Variants in SLC4A4 observed in about 807,000 individuals in gnomAD.
SLC4A4 encodes solute carrier family 4 member 4.
Under a neutral mutation model 111.5 loss-of-function variants are expected in SLC4A4, and 27 were observed. The ratio of observed to expected loss-of-function variants is 0.24; its 90% CI spans 0.18 to 0.33. The LOEUF (loss-of-function observed/expected upper bound fraction) is 0.33, where lower values mean the gene tolerates loss of function less well. Among genes scored for constraint, SLC4A4 ranks in the 10% least tolerant of loss-of-function variants. The pLI, the probability that SLC4A4 is intolerant of heterozygous loss-of-function variation, is 1.00. For missense variants in SLC4A4, 909 were observed against 1,315.5 expected (o/e 0.69, Z 4.78); for synonymous variants, 443 against 463.4 (o/e 0.96, Z 0.57).
At chr4:71,471,628 G>A (rs540909394) in intron 13 of SLC4A4, among the ~76,000 whole-genome samples, 5 of 151,912 alleles carry the variant, frequency 3.3e-5, no homozygotes, top group African/African-American at 4.8e-5. Flanking sequence ...CCTACTACCC[G>A]CTTTTTCGTC....
At chr4:71,135,132 T>C (rs1240049823) in intron 2 of SLC4A4, among the ~76,000 whole-genome samples, 3 of 152,182 alleles carry the variant, frequency 2.0e-5, no homozygotes, top group African/African-American at 7.2e-5. Context: ...AAATTCAATC[T>C]TCTTTTATCT....
At chr4:71,333,070 G>A (rs1213122899) in intron 3 of SLC4A4, among the ~76,000 whole-genome samples, 1 of 152,182 alleles carries the variant, frequency 6.6e-6, no homozygotes, top group African/African-American at 2.4e-5. Context: ...TAGTCTTGAT[G>A]CTTGTATATA....
intron 2 of SLC4A4, among the ~76,000 whole-genome samples, chr4:71,152,208 C>T (rs992739847): frequency 1.3e-5 from 2 of 152,136 alleles, no homozygotes; most frequent in Non-Finnish European, 2.9e-5. Flanking sequence ...TCTGTATTCC[C>T]TTCTCACCAA....
chr4:71,393,308 T>G (rs573867908), intron 6 of SLC4A4, among the ~76,000 whole-genome samples: 1 of 152,264 alleles, frequency 6.6e-6, no homozygotes, highest in South Asian at 2.1e-4. Context: ...ACAAAAGATT[T>G]CAGCAAATTT....
intron 4 of SLC4A4, among the ~76,000 whole-genome samples, chr4:71,340,575 G>A (rs1487074762): frequency 6.6e-6 from 1 of 152,140 alleles, no homozygotes; most frequent in African/African-American, 2.4e-5. Context: ...TATCCCCTGT[G>A]AATAAGGGGA....
chr4:71,225,748 T>G lies in SLC4A4; in HGVS notation c.-1-10828T>G, dbSNP rs187371149. On this transcript the variant is annotated intron_variant, in intron 1 of 25. Coordinates refer to ENST00000264485, the MANE Select transcript of SLC4A4 (RefSeq NM_001098484.3). ...GCCATGGAGCTGACTCCCAGCCCTGTGTCCTGGAACAAACTCCTGCTCTTG... is the reference window on the plus strand; with the variant it reads ...GCCATGGAGCTGACTCCCAGCCCTGGGTCCTGGAACAAACTCCTGCTCTTG... Among the ~76,000 whole-genome samples the G allele has an allele frequency of 2.3e-3, 356 of 152,290 alleles. 3 individuals are homozygous for G. The highest frequency in any genetic ancestry group is 8.3e-3 in the African/African-American group (345 of 41,548).
intron 3 of SLC4A4, among the ~76,000 whole-genome samples, chr4:71,333,914 G>A (rs928593532): frequency 6.9e-6 from 1 of 144,300 alleles, no homozygotes; most frequent in Admixed American, 6.9e-5. Flanking sequence ...CAGGGAAGTG[G>A]GCTCTTCTCT....
At chr4:71,417,280 A>G (rs982310773) in intron 7 of SLC4A4, among the ~76,000 whole-genome samples, 5 of 152,198 alleles carry the variant, frequency 3.3e-5, no homozygotes, top group African/African-American at 9.7e-5. Flanking sequence ...AAGTCAATCA[A>G]TGAATGCCTG....
chr4:71,254,610 TCA>T (rs982430022), intron 2 of SLC4A4, among the ~76,000 whole-genome samples: 1 of 152,032 alleles, frequency 6.6e-6, no homozygotes, highest in African/African-American at 2.4e-5. Flanking sequence ...CTTATTTTTC[TCA>T]GTTTGTCCCA....
chr4:71,139,700 T>C (rs1312446885), intron 2 of SLC4A4, among the ~76,000 whole-genome samples: 17 of 152,202 alleles, frequency 1.1e-4, no homozygotes, highest in Non-Finnish European at 2.9e-5. Flanking sequence ...TTATTTCAAT[T>C]TTATTTATTT....
chr4:71,549,898 A>T (rs1287512771), intron 20 of SLC4A4, among the ~76,000 whole-genome samples: 1 of 151,934 alleles, frequency 6.6e-6, no homozygotes. Context: ...CCTGATAGGC[A>T]AAGTGCCTTA....
In SLC4A4 at chr4:71,249,534, G is replaced by GT. The variant is rs537576032; in HGVS notation, c.74-5685dup. Among the ~76,000 whole-genome samples, 156 of 152,214 alleles carry GT rather than the reference G, an allele frequency of 1.0e-3. 1 individual carries two copies. Among genetic ancestry groups the GT allele is most frequent in the African/African-American group, 3.5e-3 (145 of 41,542 alleles). On this transcript the variant is annotated intron_variant, in intron 2 of 25. Coordinates refer to ENST00000264485, the MANE Select transcript of SLC4A4 (RefSeq NM_001098484.3). Reference sequence around the variant, plus strand: ...GTAAATTAGCAATGTTACTTTGCTTGTATCTTATTAGAGCTGCTTATGGAC... The same window carrying GT: ...GTAAATTAGCAATGTTACTTTGCTTGTTATCTTATTAGAGCTGCTTATGGAC...
intron 3 of SLC4A4, among the ~76,000 whole-genome samples, chr4:71,317,564 A>G (rs1726786243): frequency 6.6e-6 from 1 of 152,144 alleles, no homozygotes; most frequent in African/African-American, 2.4e-5. Flanking sequence ...GATATTTTAA[A>G]AAGAAAAACA....
chr4:71,134,346 G>T (rs1743788637), intron 2 of SLC4A4, among the ~76,000 whole-genome samples: 1 of 152,180 alleles, frequency 6.6e-6, no homozygotes, highest in Non-Finnish European at 1.5e-5. Context: ...TACTGGTCTT[G>T]CTTATCATGC....
chr4:71,422,762 A>T (rs1457798261), intron 7 of SLC4A4, among the ~76,000 whole-genome samples: 1 of 152,168 alleles, frequency 6.6e-6, no homozygotes, highest in Non-Finnish European at 1.5e-5. Context: ...ATAGATGCAG[A>T]AAAGGCCTTT....
Position 71,557,834 on chromosome 4 carries a change from C to T in SLC4A4, c.2886C>T (p.Ala962=), listed in dbSNP as rs1248991370. The T allele has an allele frequency of 6.2e-7, 1 of 1,612,478 alleles. No homozygotes were observed. The highest frequency in any genetic ancestry group is 1.7e-5 in the Admixed American group (1 of 59,846). ...LFTFLQVLCL[A]LLWILKSTVA... ...CTTTCCTGCAGGTGTTGTGTCTGGC[C>T]CTGCTTTGGATCCTCAAGTCAACGG... The change falls in exon 22 of 26, where the codon GCC becomes GCT. Residue 962 remains alanine, a synonymous_variant. Coordinates refer to ENST00000264485, the MANE Select transcript of SLC4A4 (RefSeq NM_001098484.3).
intron 16 of SLC4A4, among the ~76,000 whole-genome samples, chr4:71,501,306 AACTTT>A (rs1215560208): frequency 1.3e-5 from 2 of 151,974 alleles, no homozygotes; most frequent in African/African-American, 2.4e-5. Flanking sequence ...TATATTCTGC[AACTTT>A]ACTTAATTTT....
At chr4:71,121,863 G>GT (rs1743438499) in intron 2 of SLC4A4, among the ~76,000 whole-genome samples, 1 of 152,128 alleles carries the variant, frequency 6.6e-6, no homozygotes, top group African/African-American at 2.4e-5. Context: ...TTTATGAGCT[G>GT]TAACACTCAC....
intron 1 of SLC4A4, among the ~76,000 whole-genome samples, chr4:71,198,437 T>G (rs530134029): frequency 6.6e-5 from 10 of 152,348 alleles, no homozygotes; most frequent in Non-Finnish European, 1.2e-4. Flanking sequence ...GAATATTCCT[T>G]TGAGGGTTTG....
Sources: gnomAD v4.1 joint callset for allele counts (sites outside exome capture counted in the v4.1 genomes callset) on GRCh38, gnomAD v4.1.1 for gene constraint, MANE v1.5 for transcripts, NCBI Gene and HGNC (gene_info 2026-07-23, HGNC 2026-07-21) for gene names.